Variants in RHAG observed in about 807,000 individuals in gnomAD.
RHAG encodes Rh associated glycoprotein.
RHAG carries 25 observed loss-of-function variants against 42.4 expected under a neutral mutation model. The ratio of observed to expected loss-of-function variants is 0.59; its 90% CI spans 0.43 to 0.82. RHAG has a LOEUF of 0.82. RHAG is among the 40% of genes least tolerant of loss of function. The probability of loss-of-function intolerance (pLI) is 0.00; values close to 1 mark genes in which losing one functional copy is unlikely to be tolerated. For missense variants in RHAG, 483 were observed against 504.6 expected, an observed-to-expected ratio of 0.96 and a Z score of 0.41; for synonymous variants, 182 against 177.7, an observed-to-expected ratio of 1.02 and a Z score of -0.19.
chr6:49,635,229 C>T (rs1762992984), intron 1 of RHAG, among the ~76,000 whole-genome samples: 1 of 151,688 alleles, frequency 6.6e-6, no homozygotes, highest in Non-Finnish European at 1.5e-5. Flanking sequence ...AGCTTTGATG[C>T]TGGGACTTAG....
In RHAG at chr6:49,605,777, G is replaced by T. The variant is rs377286370; in HGVS notation, c.*36C>A. ...GTGTTTAGACTTCAGGTTCCAGCTGGCTGTGGTCACCATGTCCATGGAACT... is the reference window on the plus strand; with the variant it reads ...GTGTTTAGACTTCAGGTTCCAGCTGTCTGTGGTCACCATGTCCATGGAACT... On this transcript the variant is annotated 3_prime_UTR_variant, in exon 10 of 10. Coordinates refer to ENST00000371175, the MANE Select transcript of RHAG (RefSeq NM_000324.3). The T allele has an allele frequency of 1.4e-5, 22 of 1,604,158 alleles. No homozygotes were observed. The African/African-American group carries it at 2.5e-4, about 19-fold the overall frequency.
chr6:49,609,926 G>A (rs1482612105), intron 7 of RHAG, among the ~76,000 whole-genome samples: 2 of 152,156 alleles, frequency 1.3e-5, no homozygotes, highest in African/African-American at 4.8e-5. Context: ...GCAGGGACAT[G>A]GATGAAGCTG....
At chr6:49,606,684 C>A in intron 9 of RHAG, 164 bp downstream of exon 9, 1 of 646,608 alleles carries the variant, frequency 1.5e-6, no homozygotes, top group Non-Finnish European at 2.8e-6. Context: ...AATCCTCCAG[C>A]CTCAGCCGCC....
At position 49,619,373 on chromosome 6, in the gene RHAG, G is replaced by A; in HGVS notation, c.158-11C>T. The A allele has an allele frequency of 1.9e-6, 3 of 1,611,308 alleles. No homozygotes were observed. Among genetic ancestry groups the A allele is most frequent in the African/African-American group, 2.7e-5 (2 of 74,990 alleles). On this transcript the variant is annotated splice_polypyrimidine_tract_variant and intron_variant, in intron 1 of 9. Transcript: ENST00000371175. ...GTACATCTTGGAACACTGGAAAAGA[G>A]GAAAGGAAAAAATATCTGCATTATG...
At chr6:49,618,572 G>A (rs1471540) in intron 2 of RHAG, among the ~76,000 whole-genome samples, 24,222 of 152,090 alleles carry the variant, frequency 0.16, 2,005 homozygotes, top group East Asian at 0.22. Flanking sequence ...GAGATGGAAG[G>A]AATAATACTT....
rs1200899056 is a variant in RHAG at position 49,606,713 on chromosome 6, T to C, written c.1212+135A>G. On this transcript the variant is annotated intron_variant, in intron 9 of 9. Coordinates refer to ENST00000371175, the MANE Select transcript of RHAG (RefSeq NM_000324.3). ...AGCCGCCCAACGTGCTGAGATTACA[T>C]GTGTGAGCTACCTACCATGCCAGGC... The C allele has an allele frequency of 5.5e-6, 4 of 723,980 alleles. No homozygotes were observed. The Admixed American group carries it at 6.0e-5, about 11-fold the overall frequency. 44.8% of individuals were successfully genotyped at this position (723,980 alleles called of 1,614,324 possible).
intron 2 of RHAG, 61 bp downstream of exon 2, chr6:49,619,118 A>C (rs1285033817): frequency 1.9e-6 from 3 of 1,562,934 alleles, no homozygotes; most frequent in Non-Finnish European, 2.6e-6. Context: ...GTTGGAGGTT[A>C]AGAGTGTAAT....
intron 2 of RHAG, 143 bp downstream of exon 2, chr6:49,619,036 G>A: frequency 1.1e-6 from 1 of 888,868 alleles, no homozygotes; most frequent in Non-Finnish European, 1.8e-6. Flanking sequence ...CAAGGACACT[G>A]ATCCCATTCA....
chr6:49,607,330 TA>T, intron 7 of RHAG, 110 bp from the exon 8 acceptor site: 1 of 782,658 alleles, frequency 1.3e-6, no homozygotes, highest in Non-Finnish European at 2.2e-6. Flanking sequence ...AGTGTAACAT[TA>T]CACAGCAGCA....
chr6:49,606,588 T>A (rs1774167602), intron 9 of RHAG: 1 of 417,900 alleles, frequency 2.4e-6, no homozygotes, highest in Non-Finnish European at 4.2e-6. Context: ...ACACTTGACA[T>A]CCCATTGAAA....
rs1382559847 is a variant in RHAG at position 49,626,583 on chromosome 6, G to A, written c.158-7221C>T. Among the ~76,000 whole-genome samples the A allele has an allele frequency of 5.9e-5, 9 of 152,214 alleles. No individual in the cohort carries two copies. In the East Asian group the frequency reaches 1.2e-3, roughly 20 times the overall value. On this transcript the variant is annotated intron_variant, in intron 1 of 9. Coordinates refer to ENST00000371175, the MANE Select transcript of RHAG (RefSeq NM_000324.3). ...GTGTCTGTGGCTTTTCCAGGGGCAC[G>A]GTGCAAGCTGTCAGTGGATCTACCA...
At chr6:49,620,497 G>T (rs141863011) in intron 1 of RHAG, among the ~76,000 whole-genome samples, 102 of 152,092 alleles carry the variant, frequency 6.7e-4, no homozygotes, top group African/African-American at 2.4e-3. Flanking sequence ...CACTACAGTG[G>T]ACAAACCTGA....
At chr6:49,626,863 T>C (rs1733753871) in intron 1 of RHAG, among the ~76,000 whole-genome samples, 1 of 152,242 alleles carries the variant, frequency 6.6e-6, no homozygotes, top group Non-Finnish European at 1.5e-5. Flanking sequence ...ATACCACATG[T>C]AAACTGCCAG....
chr6:49,619,071 G>A, intron 2 of RHAG, 108 bp downstream of exon 2: 2 of 1,245,512 alleles, frequency 1.6e-6, no homozygotes, highest in Non-Finnish European at 1.2e-6. Flanking sequence ...TCATGACCTG[G>A]TCACCTCCCC....
At position 49,621,193 on chromosome 6, in the gene RHAG, A is replaced by T. The variant is rs116580179; in HGVS notation, c.158-1831T>A. ...GGCTTGTCTACTGCAGTGGATGCTG[A>T]GATGCGCTGCCCAGATGCCCCCTTC... On this transcript the variant is annotated intron_variant, in intron 1 of 9. Coordinates refer to ENST00000371175, the MANE Select transcript of RHAG (RefSeq NM_000324.3). Among the ~76,000 whole-genome samples, 1,214 of 152,240 alleles carry T rather than the reference A, an allele frequency of 8.0e-3. 17 individuals are homozygous for T. The highest frequency in any genetic ancestry group is 0.027 in the African/African-American group (1,138 of 41,542).
intron 1 of RHAG, among the ~76,000 whole-genome samples, chr6:49,633,579 C>A (rs974817279): frequency 6.6e-6 from 1 of 152,096 alleles, no homozygotes; most frequent in African/African-American, 2.4e-5. Context: ...TTGAGACCCA[C>A]CTTTCCTGAA....
Position 49,614,695 on chromosome 6 carries a change from G to A in RHAG, c.799C>T (p.Leu267Phe), listed in dbSNP as rs1762623952. The change falls in exon 5 of 10, where the codon CTC (leucine) becomes TTC (phenylalanine). Residue 267 changes from leucine (L) to phenylalanine (F), a missense_variant. By Grantham distance (22) the Leu-to-Phe change is conservative. Transcript: ENST00000371175. ...GCTAAGGCGGCACTTACCATGTTGA[G>A]CTTGCCTCGGTGCTCCACTAGGCTG... ...FSSLVEHRGK[L>F]NMVHIQNATL... The A allele has an allele frequency of 6.2e-7, 1 of 1,613,702 alleles. No individual in the cohort carries two copies. The highest frequency in any genetic ancestry group is 1.3e-5 in the African/African-American group (1 of 75,036).
At chr6:49,628,947 C>T (rs1334913476) in intron 1 of RHAG, among the ~76,000 whole-genome samples, 1 of 152,208 alleles carries the variant, frequency 6.6e-6, no homozygotes, top group African/African-American at 2.4e-5. Flanking sequence ...CCACTGCTGG[C>T]TCAGGTAGCC....
rs902283342 is a variant in RHAG, at chr6:49,614,814, G to A, written c.680C>T (p.Ser227Leu). ...FLWMFWPSFN[S>L]AIAEPGDKQC... ...TTTGTCTCCAGGTTCAGCAATGGCC[G>A]AGTTAAAGCTGGGCCAAAACATCCA... is the stretch of plus-strand genomic sequence containing the variant. The change falls in exon 5 of 10, where the codon TCG becomes TTG. Residue 227 changes from serine (S) to leucine (L), a missense_variant. By Grantham distance (145) the Ser-to-Leu change is moderately radical. Coordinates refer to ENST00000371175, the MANE Select transcript of RHAG (RefSeq NM_000324.3). The A allele has an allele frequency of 1.2e-6, 2 of 1,614,044 alleles. No individual in the cohort carries two copies. The highest frequency in any genetic ancestry group is 1.7e-6 in the Non-Finnish European group (2 of 1,180,018).
Sources: gnomAD v4.1 joint callset for allele counts (sites outside exome capture counted in the v4.1 genomes callset) on GRCh38, gnomAD v4.1.1 for gene constraint, MANE v1.5 for transcripts, NCBI Gene and HGNC (gene_info 2026-07-23, HGNC 2026-07-21) for gene names.